Variants in FDFT1 observed in about 807,000 individuals in gnomAD.
FDFT1 encodes the protein squalene synthase.
A neutral mutation model predicts 46.8 loss-of-function variants in FDFT1; 68 were observed. That is an observed-to-expected ratio of 1.45 (90% confidence interval 1.19 to 1.78). The LOEUF (loss-of-function observed/expected upper bound fraction) is 1.78. Among genes scored for constraint, FDFT1 ranks in the 40% most tolerant of loss-of-function variants. FDFT1 has a pLI of 0.00. For synonymous variants in FDFT1, 351 were observed against 185.1 expected, an observed-to-expected ratio of 1.90 and a Z score of -7.28; for missense variants, 928 against 524.4, an observed-to-expected ratio of 1.77 and a Z score of -7.52.
intron 5 of FDFT1, among the ~76,000 whole-genome samples, chr8:11,828,848 CT>C (rs1311484120): frequency 3.3e-5 from 5 of 152,212 alleles, no homozygotes; most frequent in Non-Finnish European, 7.3e-5. Context: ...TGCTTTATTC[CT>C]TTTTATCGCC....
At chr8:11,802,188 G>C (rs569912642), upstream of FDFT1, 157 of 440,086 alleles carry the variant, frequency 3.6e-4, 2 homozygotes, top group South Asian at 2.5e-3. Context: ...CAGGCGAGCT[G>C]GGCTGTGCTC....
chr8:11,831,966 G>T (rs973536249), intron 7 of FDFT1, among the ~76,000 whole-genome samples: 16 of 152,206 alleles, frequency 1.1e-4, no homozygotes, highest in African/African-American at 3.9e-4. Context: ...GGCCAACCAA[G>T]CTTCTTGTTG....
chr8:11,821,022 T>G (rs1044075392), intron 3 of FDFT1, among the ~76,000 whole-genome samples: 1 of 152,232 alleles, frequency 6.6e-6, no homozygotes. Flanking sequence ...GGTCTGAGTT[T>G]CTGTTTGTTG....
At chr8:11,807,017 A>C (rs1170250692) in intron 1 of FDFT1, among the ~76,000 whole-genome samples, 1 of 108,338 alleles carries the variant, frequency 9.2e-6, no homozygotes, top group African/African-American at 2.7e-5. Context: ...CATGATAGGA[A>C]ATATATACAA....
intron 1 of FDFT1, chr8:11,803,160 C>T: frequency 1.4e-6 from 2 of 1,425,198 alleles, no homozygotes; most frequent in African/African-American, 2.9e-5. Flanking sequence ...GCATGAGCGA[C>T]TTTTGCGTGG....
At chr8:11,799,336 T>C (rs1441707235), upstream of FDFT1, among the ~76,000 whole-genome samples, 1 of 152,234 alleles carries the variant, frequency 6.6e-6, no homozygotes, top group Non-Finnish European at 1.5e-5. Context: ...CTGGTGGAGC[T>C]GCAGGTGTTT....
chr8:11,802,062 T>C (rs1806178315), upstream of FDFT1: 1 of 455,744 alleles, frequency 2.2e-6, no homozygotes, highest in Non-Finnish European at 4.4e-6. Flanking sequence ...ACAGGCTCTC[T>C]AAGGCTTCAG....
At chr8:11,828,511 C>G (rs752152169) in intron 5 of FDFT1, among the ~76,000 whole-genome samples, 1 of 152,206 alleles carries the variant, frequency 6.6e-6, no homozygotes, top group Non-Finnish European at 1.5e-5. Flanking sequence ...TCTCCCGGCT[C>G]CTAGGCCAGC....
intron 1 of FDFT1, chr8:11,803,231 T>G (rs1316865154): frequency 2.2e-5 from 31 of 1,390,870 alleles, no homozygotes; most frequent in Non-Finnish European, 2.7e-5. Flanking sequence ...TACCGGTATT[T>G]TAACCCGAGG....
intron 5 of FDFT1, among the ~76,000 whole-genome samples, chr8:11,827,313 A>T (rs998148620): frequency 1.3e-5 from 2 of 152,164 alleles, no homozygotes; most frequent in African/African-American, 4.8e-5. Flanking sequence ...GATTCTGCTG[A>T]AAGAGCAAAA....
chr8:11,822,633 G>C (rs997463116), intron 4 of FDFT1, among the ~76,000 whole-genome samples: 2 of 152,056 alleles, frequency 1.3e-5, no homozygotes, highest in African/African-American at 2.4e-5. Flanking sequence ...AAGCAACATA[G>C]CGAGACCCCG....
chr8:11,835,952 G>C (rs1285241032), intron 7 of FDFT1, among the ~76,000 whole-genome samples: 1 of 108,652 alleles, frequency 9.2e-6, no homozygotes, highest in African/African-American at 3.3e-5. Context: ...TGACTTATGT[G>C]ATGAAACCCT....
chr8:11,822,501 C>T (rs759643396), intron 4 of FDFT1, among the ~76,000 whole-genome samples: 1 of 152,160 alleles, frequency 6.6e-6, no homozygotes, highest in Non-Finnish European at 1.5e-5. Flanking sequence ...ACAATGACTG[C>T]TAGAAATCAA....
At chr8:11,807,036 A>G (rs1211039531) in intron 1 of FDFT1, among the ~76,000 whole-genome samples, 1 of 152,020 alleles carries the variant, frequency 6.6e-6, no homozygotes, top group East Asian at 1.9e-4. Context: ...AAATAAAAAC[A>G]ACATAGTTCA....
intron 7 of FDFT1, among the ~76,000 whole-genome samples, chr8:11,832,984 C>G (rs1302571614): frequency 1.3e-5 from 2 of 152,194 alleles, no homozygotes; most frequent in African/African-American, 2.4e-5. Context: ...ATAGCGATTT[C>G]TGATTTCTCT....
upstream of FDFT1, chr8:11,802,484 C>G (rs760929396): frequency 1.4e-5 from 7 of 483,680 alleles, no homozygotes; most frequent in East Asian, 1.8e-4. Context: ...AGGCCCGGCT[C>G]CATCAGGGCA....
rs1378934296 is a variant in FDFT1, at chr8:11,821,733, T to C, written c.382-17T>C. 9.3e-6 allele frequency: 15 copies of C among 1,612,060 alleles called. No individual in the cohort carries two copies. Among genetic ancestry groups the C allele is most frequent in the Non-Finnish European group, 1.3e-5 (15 of 1,178,714 alleles). On this transcript the variant is annotated splice_polypyrimidine_tract_variant and intron_variant, in intron 3 of 7. Coordinates refer to ENST00000220584, the MANE Select transcript of FDFT1 (RefSeq NM_004462.5). ...ACATATTTCATGATTTCTGTGTTTT[T>C]ACGGTTTCCATTTCAGATCTCCCTT...
Position 11,823,672 on chromosome 8 carries a change from A to G in FDFT1, c.510+1794A>G, listed in dbSNP as rs377289150. ...AGCCTTGACCTTCTGGGCTCAAGCA[A>G]TCTTCCTTGCCCTCAGCCTCCTGAG... On this transcript the variant is annotated intron_variant, in intron 4 of 7. Coordinates refer to ENST00000220584, the MANE Select transcript of FDFT1 (RefSeq NM_004462.5). Among the ~76,000 whole-genome samples, 48 of 152,104 alleles carry G rather than the reference A, an allele frequency of 3.2e-4. 1 individual carries two copies. The East Asian group carries it at 6.6e-3, about 21-fold the overall frequency.
intron 1 of FDFT1, 134 bp downstream of exon 1, chr8:11,803,065 C>T: frequency 1.4e-6 from 2 of 1,453,266 alleles, no homozygotes; most frequent in Non-Finnish European, 1.8e-6. Flanking sequence ...TTCCCGTCCC[C>T]CTTTCCTCGA....
Sources: gnomAD v4.1 joint callset for allele counts (sites outside exome capture counted in the v4.1 genomes callset) on GRCh38, gnomAD v4.1.1 for gene constraint, MANE v1.5 for transcripts, NCBI Gene and HGNC (gene_info 2026-07-23, HGNC 2026-07-21) for gene names.